TLE1: variants seen among roughly 807,000 people sequenced by gnomAD.
TLE1 encodes transducin-like enhancer protein 1.
In TLE1, 21 loss-of-function variants were observed where a neutral mutation model predicts 89.8. That is an observed-to-expected ratio of 0.23 (90% CI 0.17 to 0.34). The LOEUF (loss-of-function observed/expected upper bound fraction) is 0.34, where lower values mean the gene tolerates loss of function less well. Among genes scored for constraint, TLE1 ranks in the 10% least tolerant of loss-of-function variants. TLE1 has a pLI of 1.00. For synonymous variants in TLE1, 447 were observed against 407.6 expected (o/e 1.10, Z -1.16); for missense variants, 795 against 1,031.2 (o/e 0.77, Z 3.14).
At chr9:81,668,410 G>A (rs561713835) in intron 4 of TLE1, among the ~76,000 whole-genome samples, 4 of 152,192 alleles carry the variant, frequency 2.6e-5, no homozygotes, top group African/African-American at 9.6e-5. Context: ...GTAAGCAAAA[G>A]GATCCTAGAT....
chr9:81,614,499 A>G (rs189587159), intron 11 of TLE1, among the ~76,000 whole-genome samples: 7 of 152,226 alleles, frequency 4.6e-5, no homozygotes, highest in Admixed American at 6.5e-5. Flanking sequence ...TGTGCTTTAC[A>G]ACACAGTCCA....
At chr9:81,618,383 T>G (rs1008847816) in intron 9 of TLE1, among the ~76,000 whole-genome samples, 10 of 152,188 alleles carry the variant, frequency 6.6e-5, no homozygotes, top group African/African-American at 2.2e-4. Context: ...CAACTCTAAA[T>G]TCAGGTCTTA....
chr9:81,659,129 G>C (rs536462062), intron 4 of TLE1, among the ~76,000 whole-genome samples: 1 of 152,016 alleles, frequency 6.6e-6, no homozygotes, highest in Admixed American at 6.6e-5. Context: ...GGATGGTCTC[G>C]ATCTCCTGAT....
At chr9:81,646,270 A>G (rs767831637) in intron 6 of TLE1, among the ~76,000 whole-genome samples, 1 of 152,240 alleles carries the variant, frequency 6.6e-6, no homozygotes, top group Non-Finnish European at 1.5e-5. Context: ...TTGTGCTCTC[A>G]GTAAAAACAA....
At chr9:81,602,334 A>G (rs542366032) in intron 14 of TLE1, among the ~76,000 whole-genome samples, 3 of 152,322 alleles carry the variant, frequency 2.0e-5, no homozygotes, top group Non-Finnish European at 4.4e-5. Flanking sequence ...TCCCTTATCC[A>G]AAATGCTTCA....
chr9:81,604,855 T>G (rs1034327571), intron 14 of TLE1, among the ~76,000 whole-genome samples: 1 of 152,184 alleles, frequency 6.6e-6, no homozygotes, highest in Non-Finnish European at 1.5e-5. Context: ...CCTTCCTGCA[T>G]GCGCTTCAGC....
At chr9:81,677,582 AAAGT>A (rs1234883543) in intron 4 of TLE1, among the ~76,000 whole-genome samples, 1 of 151,692 alleles carries the variant, frequency 6.6e-6, no homozygotes, top group Non-Finnish European at 1.5e-5. Context: ...AAAAAAAAAA[AAAGT>A]AAACAACTCA....
At chr9:81,637,402 C>T in intron 6 of TLE1, among the ~76,000 whole-genome samples, 1 of 152,146 alleles carries the variant, frequency 6.6e-6, no homozygotes, top group East Asian at 1.9e-4. Context: ...TGATATCTTA[C>T]TGTGAAGAGG....
intron 4 of TLE1, 124 bp downstream of exon 4, chr9:81,685,552 A>G: frequency 1.1e-6 from 1 of 922,086 alleles, no homozygotes; most frequent in South Asian, 1.7e-5. Flanking sequence ...CAGGACAGGA[A>G]ACCAAGGCAG....
At chr9:81,618,434 A>G (rs1448044193) in intron 9 of TLE1, among the ~76,000 whole-genome samples, 1 of 152,184 alleles carries the variant, frequency 6.6e-6, no homozygotes, top group Non-Finnish European at 1.5e-5. Flanking sequence ...ACTACACGTG[A>G]GAGACCCAAT....
chr9:81,653,810 C>T (rs1017693078), intron 5 of TLE1, among the ~76,000 whole-genome samples, 164 bp downstream of exon 5: 14 of 152,172 alleles, frequency 9.2e-5, no homozygotes, highest in Admixed American at 2.0e-4. Context: ...CTACAGTGTG[C>T]CCTCAGATGT....
chr9:81,639,474 G>A (rs2132439587), intron 6 of TLE1, among the ~76,000 whole-genome samples: 1 of 151,072 alleles, frequency 6.6e-6, no homozygotes, highest in East Asian at 2.0e-4. Flanking sequence ...CTAGGCATTA[G>A]TTTACAGTAA....
chr9:81,605,089 C>A (rs1002932359), intron 14 of TLE1, among the ~76,000 whole-genome samples: 1 of 152,192 alleles, frequency 6.6e-6, no homozygotes, highest in Non-Finnish European at 1.5e-5. Context: ...CACACTCAGT[C>A]TATGAATGGC....
chr9:81,668,968 T>C (rs1288328863), intron 4 of TLE1, among the ~76,000 whole-genome samples: 2 of 152,184 alleles, frequency 1.3e-5, no homozygotes, highest in African/African-American at 4.8e-5. Flanking sequence ...TAGTCTTCCA[T>C]TAATTATGTG....
chr9:81,684,551 GAA>G (rs1437017897), intron 4 of TLE1, among the ~76,000 whole-genome samples: 1 of 152,214 alleles, frequency 6.6e-6, no homozygotes, highest in Non-Finnish European at 1.5e-5. Flanking sequence ...CTTGCTTAAT[GAA>G]AGTCTTTGAA....
At position 81,658,501 on chromosome 9, in the gene TLE1, T is replaced by C. The variant is rs1830406261; in HGVS notation, c.235-4465A>G. Among the ~76,000 whole-genome samples, 5 of 152,264 alleles carry C rather than the reference T, an allele frequency of 3.3e-5. No homozygotes were observed. In the South Asian group the frequency reaches 1.0e-3, roughly 32 times the overall value. On this transcript the variant is annotated intron_variant, in intron 4 of 19. Coordinates refer to ENST00000376499, the MANE Select transcript of TLE1 (RefSeq NM_005077.5). ...AGACTTCCCCTCCGTCTGCCAGGTC[T>C]CTAAACCCTAATCTTAAACTATACT... is the stretch of plus-strand genomic sequence containing the variant.
At chr9:81,606,141 G>T (rs890434031) in intron 14 of TLE1, among the ~76,000 whole-genome samples, 1 of 152,190 alleles carries the variant, frequency 6.6e-6, no homozygotes, top group African/African-American at 2.4e-5. Flanking sequence ...GAGAGGATGT[G>T]GAGAAATAAG....
At position 81,585,561 on chromosome 9, in the gene TLE1, T is replaced by C. The variant is rs776786278; in HGVS notation, c.2072A>G (p.Lys691Arg). Reference protein sequence around the residue: ...VEVLHVNKPDKYQLHLHESCV... With the variant: ...VEVLHVNKPDRYQLHLHESCV... ...GCTCTCATGCAGGTGCAGCTGGTAC[T>C]TGTCAGGCTTGTTCACGTGCAGCAC... The change falls in exon 18 of 20, where the codon AAG (lysine) becomes AGG (arginine). Residue 691 changes from lysine (K) to arginine (R), a missense_variant. By Grantham distance (26) the Lys-to-Arg change is conservative (BLOSUM62 2). Transcript: ENST00000376499. 1 of 1,614,200 alleles carries C rather than the reference T, an allele frequency of 6.2e-7. No individual in the cohort carries two copies. Among genetic ancestry groups the C allele is most frequent in the Non-Finnish European group, 8.5e-7 (1 of 1,180,036 alleles).
chr9:81,669,262 C>A (rs915895524), intron 4 of TLE1, among the ~76,000 whole-genome samples: 6 of 152,208 alleles, frequency 3.9e-5, no homozygotes, highest in Non-Finnish European at 7.3e-5. Context: ...TGTGAGAACG[C>A]TGCAAATGGC....
Sources: allele counts gnomAD v4.1 joint callset (sites outside exome capture counted in the v4.1 genomes callset), GRCh38; gene constraint gnomAD v4.1.1; transcripts MANE v1.5; gene names NCBI Gene and HGNC (gene_info 2026-07-23, HGNC 2026-07-21).